TSHZ2: variants seen among roughly 807,000 people sequenced by gnomAD.
TSHZ2 encodes teashirt zinc finger homeobox 2, also known as teashirt homolog 2.
A neutral mutation model predicts 74.4 loss-of-function variants in TSHZ2; 21 were observed. The ratio of observed to expected loss-of-function variants is 0.28; its 90% CI spans 0.20 to 0.41. The LOEUF is 0.41. Ranked by LOEUF, TSHZ2 falls within the 10% of genes least tolerant of loss-of-function variation. TSHZ2 has a pLI of 1.00. For synonymous variants in TSHZ2, 540 were observed against 515.3 expected, an observed-to-expected ratio of 1.05 and a Z score of -0.65; for missense variants, 1,244 against 1,293.5, an observed-to-expected ratio of 0.96 and a Z score of 0.59.
intron 2 of TSHZ2, among the ~76,000 whole-genome samples, chr20:53,469,204 A>AT (rs971721703): frequency 6.6e-6 from 1 of 150,966 alleles, no homozygotes; most frequent in Non-Finnish European, 1.5e-5. Context: ...ACCTTGTTGG[A>AT]TTGTTTTAAT....
intron 1 of TSHZ2, among the ~76,000 whole-genome samples, chr20:53,106,592 G>A (rs1650515906): frequency 6.7e-6 from 1 of 150,226 alleles, no homozygotes; most frequent in South Asian, 2.1e-4. Flanking sequence ...TTTTAGTAGA[G>A]ATGGGGTTTC....
chr20:53,388,550 T>C (rs993624016), intron 2 of TSHZ2, among the ~76,000 whole-genome samples: 4 of 151,934 alleles, frequency 2.6e-5, no homozygotes, highest in African/African-American at 9.7e-5. Context: ...TTGAACATAC[T>C]CACCTCTTTA....
chr20:53,242,126 G>A (rs920305131), intron 1 of TSHZ2, among the ~76,000 whole-genome samples: 16 of 152,106 alleles, frequency 1.1e-4, no homozygotes, highest in African/African-American at 3.6e-4. Flanking sequence ...CTTTGACTTT[G>A]CAGCATTTCT....
intron 1 of TSHZ2, among the ~76,000 whole-genome samples, chr20:52,995,410 G>A (rs1477181681): frequency 6.6e-6 from 1 of 152,118 alleles, no homozygotes; most frequent in Non-Finnish European, 1.5e-5. Flanking sequence ...GACCCTCCCT[G>A]AACCAATCAC....
At chr20:53,189,237 C>T (rs546334782) in intron 1 of TSHZ2, among the ~76,000 whole-genome samples, 5 of 152,252 alleles carry the variant, frequency 3.3e-5, no homozygotes, top group South Asian at 2.1e-4. Flanking sequence ...CTTGGAAGGC[C>T]CGTTCTATTA....
At chr20:53,076,930 C>G (rs148314423) in intron 1 of TSHZ2, among the ~76,000 whole-genome samples, 1,676 of 152,244 alleles carry the variant, frequency 0.011, 39 homozygotes, top group African/African-American at 0.039. Flanking sequence ...TGTGCAGTTT[C>G]AGAGTTTTGC....
chr20:53,462,555 G>A (rs1319244429), intron 2 of TSHZ2, among the ~76,000 whole-genome samples: 2 of 152,156 alleles, frequency 1.3e-5, no homozygotes, highest in Non-Finnish European at 2.9e-5. Context: ...TGTAGCTATG[G>A]GAACCTTCTA....
chr20:53,380,813 A>G (rs1271952580), intron 2 of TSHZ2, among the ~76,000 whole-genome samples: 7 of 152,222 alleles, frequency 4.6e-5, no homozygotes, highest in East Asian at 3.8e-4. Context: ...GAGAATGGCA[A>G]TTGTGTACAT....
At chr20:53,417,260 AC>A (rs1340847384) in intron 2 of TSHZ2, among the ~76,000 whole-genome samples, 5 of 150,540 alleles carry the variant, frequency 3.3e-5, no homozygotes, top group African/African-American at 9.9e-5. Flanking sequence ...ACACACACAC[AC>A]ACACACACAC....
chr20:53,140,200 A>G lies in TSHZ2; in HGVS notation c.41-113299A>G, dbSNP rs182015603. Among the ~76,000 whole-genome samples the G allele has an allele frequency of 6.0e-3, 917 of 152,214 alleles. 11 individuals carry two copies. The highest frequency in any genetic ancestry group is 0.021 in the African/African-American group (873 of 41,548). On this transcript the variant is annotated intron_variant, in intron 1 of 2. Coordinates refer to ENST00000371497, the MANE Select transcript of TSHZ2 (RefSeq NM_173485.6). ...GTACATAAATAAATATGCAATATAT[A>G]TAATATGATATACTAAAATATGTTA...
At chr20:53,252,630 T>C in intron 1 of TSHZ2, among the ~76,000 whole-genome samples, 1 of 152,172 alleles carries the variant, frequency 6.6e-6, no homozygotes, top group East Asian at 1.9e-4. Flanking sequence ...AAAGCATGCA[T>C]CCCCAATAGC....
At chr20:53,318,938 A>G (rs1219383548) in intron 2 of TSHZ2, among the ~76,000 whole-genome samples, 1 of 152,230 alleles carries the variant, frequency 6.6e-6, no homozygotes, top group Non-Finnish European at 1.5e-5. Flanking sequence ...GAGCAAAGGC[A>G]CATCTTACAT....
intron 2 of TSHZ2, among the ~76,000 whole-genome samples, chr20:53,329,177 C>T (rs1466314963): frequency 6.6e-6 from 1 of 152,174 alleles, no homozygotes. Context: ...GTCTCCTTTC[C>T]TGTTGAACTT....
intron 1 of TSHZ2, among the ~76,000 whole-genome samples, chr20:53,012,170 C>G (rs940959902): frequency 6.6e-6 from 1 of 152,162 alleles, no homozygotes; most frequent in Non-Finnish European, 1.5e-5. Flanking sequence ...TGAATCAGTG[C>G]TACCCAGGGC....
chr20:52,973,111 G>C lies in TSHZ2; in HGVS notation c.-183G>C, dbSNP rs979878306. ...CCACCCGTGTCTGCCACCCAGAGAGGGGGGTCTCTGGCCCGTGGTGGAGGA... is the reference window on the plus strand; with the variant it reads ...CCACCCGTGTCTGCCACCCAGAGAGCGGGGTCTCTGGCCCGTGGTGGAGGA... On this transcript the variant is annotated 5_prime_UTR_variant, in exon 1 of 3. Transcript: ENST00000371497. 4.5e-6 allele frequency: 3 copies of C among 663,198 alleles called. No individual in the cohort carries two copies. The highest frequency in any genetic ancestry group is 7.4e-6 in the Non-Finnish European group (3 of 402,930). The allele number at this position is 663,198 out of a possible 1,614,324, so 41.1% of individuals were successfully genotyped here.
intron 2 of TSHZ2, among the ~76,000 whole-genome samples, chr20:53,462,696 GTGGAGGAAAGCCT>G (rs1568929236): frequency 6.6e-6 from 1 of 152,220 alleles, no homozygotes; most frequent in African/African-American, 2.4e-5. Flanking sequence ...TGATTTGGGG[GTGGAGGAAAGCCT>G]TGAATTACTT....
At chr20:53,038,014 C>T (rs944511211) in intron 1 of TSHZ2, among the ~76,000 whole-genome samples, 1 of 151,814 alleles carries the variant, frequency 6.6e-6, no homozygotes, top group African/African-American at 2.4e-5. Context: ...AAGCTCCAAG[C>T]TTGGACAGCG....
chr20:53,015,879 G>T (rs757320739), intron 1 of TSHZ2, among the ~76,000 whole-genome samples: 10 of 152,130 alleles, frequency 6.6e-5, no homozygotes, highest in Non-Finnish European at 1.3e-4. Context: ...TGTTCAGGGG[G>T]CTGAAAGTAA....
chr20:53,114,144 T>C (rs1986607932), intron 1 of TSHZ2, among the ~76,000 whole-genome samples: 1 of 152,094 alleles, frequency 6.6e-6, no homozygotes, highest in African/African-American at 2.4e-5. Flanking sequence ...TACACATTTC[T>C]GGAGTGGATG....
Sources: gnomAD v4.1 joint callset for allele counts (sites outside exome capture counted in the v4.1 genomes callset) on GRCh38, gnomAD v4.1.1 for gene constraint, MANE v1.5 for transcripts, NCBI Gene and HGNC (gene_info 2026-07-23, HGNC 2026-07-21) for gene names.